The following GPR143 variants were observed in gnomAD, a reference collection of about 807,000 sequenced individuals.
The protein encoded by GPR143 is G protein-coupled receptor 143, also known as G-protein coupled receptor 143.
Under a neutral mutation model 27.6 loss-of-function variants are expected in GPR143, and 8 were observed. The ratio of observed to expected loss-of-function variants is 0.29; its 90% confidence interval spans 0.17 to 0.52. The LOEUF is 0.52. Among genes scored for constraint, GPR143 ranks in the 20% least tolerant of loss-of-function variants. The probability of loss-of-function intolerance (pLI) is 0.96; values close to 1 mark genes in which losing one functional copy is unlikely to be tolerated. For missense variants in GPR143, 303 were observed against 343.1 expected, an observed-to-expected ratio of 0.88 and a Z score of 0.92; for synonymous variants, 156 against 153.2, an observed-to-expected ratio of 1.02 and a Z score of -0.13.
intron 1 of GPR143, among the ~76,000 whole-genome samples, chrX:9,773,480 TACACACACACACAC>T (rs57491053): frequency 9.7e-6 from 1 of 102,707 alleles, no homozygotes; most frequent in Non-Finnish European, 2.0e-5. Flanking sequence ...GCTTTGAAAG[TACACACACACACAC>T]ACACACACAC....
At position 9,764,360 on chromosome X, in the gene GPR143, C is replaced by T. The variant is rs1037311796; in HGVS notation, c.250+1208G>A. On this transcript the variant is annotated intron_variant, in intron 1 of 8. Transcript: ENST00000467482. ...TTCTTAGCTCGTGGACCCTAGAAAA[C>T]GGGCAGGATTTGGTCTGAGGGCTGC... Among the ~76,000 whole-genome samples, 5 of 111,148 alleles carry T rather than the reference C, an allele frequency of 4.5e-5. No homozygotes were observed. The East Asian group carries it at 1.4e-3, about 31-fold the overall frequency.
At chrX:9,752,948 G>A (rs916581364) in intron 3 of GPR143, among the ~76,000 whole-genome samples, 3 of 111,359 alleles carry the variant, frequency 2.7e-5, no homozygotes, top group South Asian at 7.7e-4. Flanking sequence ...CAGAGGGAGC[G>A]CCGTGTGTTG....
rs761860018 is a variant in GPR143 at position 9,746,079 on chromosome X, G to A, written c.623C>T (p.Ala208Val). ...MYLPLLLVLV[A>V]NPILFQKTVT... ...TGTCTTTTGGAACAGGATGGGGTTCGCCACGAGAACCAGCAGCAGGGGCAG... is the reference window on the plus strand; with the variant it reads ...TGTCTTTTGGAACAGGATGGGGTTCACCACGAGAACCAGCAGCAGGGGCAG... The change falls in exon 5 of 9, where the codon GCG becomes GTG. Residue 208 changes from alanine (A) to valine (V), a missense_variant. Ala to Val is a moderately conservative substitution (Grantham distance 64, BLOSUM62 0). Coordinates refer to ENST00000467482, the MANE Select transcript of GPR143 (RefSeq NM_000273.3). 16 of 1,201,603 alleles carry A rather than the reference G, an allele frequency of 1.3e-5. No individual in the cohort carries two copies. The highest frequency in any genetic ancestry group is 5.9e-5 in the East Asian group (2 of 33,779).
intron 1 of GPR143, among the ~76,000 whole-genome samples, chrX:9,775,189 A>T (rs1415765058): frequency 8.9e-6 from 1 of 112,176 alleles, no homozygotes; most frequent in Non-Finnish European, 1.9e-5. Context: ...AGACAGCCTG[A>T]TCTGTGGTGG....
chrX:9,749,538 G>T (rs944446873), intron 3 of GPR143, among the ~76,000 whole-genome samples: 1 of 111,896 alleles, frequency 8.9e-6, no homozygotes, highest in Non-Finnish European at 1.9e-5. Context: ...TATATGCTAC[G>T]TGGCCTTCTG....
chrX:9,750,805 C>T (rs2083448187), intron 3 of GPR143, among the ~76,000 whole-genome samples: 1 of 112,492 alleles, frequency 8.9e-6, no homozygotes, highest in African/African-American at 3.2e-5. Context: ...TCAAGTCATC[C>T]ACCTGCCTTG....
At chrX:9,737,411 A>G (rs1670540703) in intron 8 of GPR143, among the ~76,000 whole-genome samples, 1 of 112,545 alleles carries the variant, frequency 8.9e-6, no homozygotes, top group Non-Finnish European at 1.9e-5. Context: ...GACACCTGCT[A>G]CAACATGGGC....
chrX:9,765,963 G>A, upstream of GPR143: 1 of 558,746 alleles, frequency 1.8e-6, no homozygotes, highest in Non-Finnish European at 2.5e-6. Context: ...GCCAGGCTCG[G>A]TGGGGGCCGA....
At chrX:9,731,280 A>T (rs936310404) in intron 8 of GPR143, among the ~76,000 whole-genome samples, 2 of 111,390 alleles carry the variant, frequency 1.8e-5, no homozygotes, top group Non-Finnish European at 3.8e-5. Context: ...GAGGCAGGAG[A>T]ATCGCTTGAG....
rs139243227 is a variant in GPR143 at position 9,747,403 on chromosome X, C to T, written c.548+1171G>A. ...CCTGTGCGCCCTGCAGCAATGGCAC[C>T]CTAAGGCTCAGATGCAACTTTGCCA... On this transcript the variant is annotated intron_variant, in intron 4 of 8. Coordinates refer to ENST00000467482, the MANE Select transcript of GPR143 (RefSeq NM_000273.3). Among the ~76,000 whole-genome samples the T allele has an allele frequency of 5.6e-4, 62 of 111,427 alleles. No homozygotes were observed. In the East Asian group the frequency reaches 0.011, roughly 19 times the overall value.
chrX:9,739,441 C>T (rs1478197933), intron 8 of GPR143, 44 bp downstream of exon 8: 5 of 963,677 alleles, frequency 5.2e-6, no homozygotes, highest in Non-Finnish European at 7.4e-6. Flanking sequence ...CAAGGGGAGC[C>T]CTGGGACCCC....
chrX:9,742,973 G>A (rs905158156), intron 6 of GPR143, among the ~76,000 whole-genome samples: 2 of 111,228 alleles, frequency 1.8e-5, no homozygotes, highest in African/African-American at 6.5e-5. Context: ...TGAGTGTGGT[G>A]GCACACACCT....
upstream of GPR143, among the ~76,000 whole-genome samples, chrX:9,769,622 T>C (rs1424361439): frequency 1.3e-4 from 14 of 111,877 alleles, no homozygotes; most frequent in South Asian, 3.8e-4. Flanking sequence ...CACTATATCA[T>C]CCAGGCTGGA....
rs761735722 is a variant in GPR143, at chrX:9,726,758, T to A, written c.1121-918A>T. The stretch of plus-strand genomic sequence containing the variant: ...CCAAAGCCAAACTACTAATCCATTT[T>A]AACTATGTGGGGCTAATTCTACCTG... On this transcript the variant is annotated intron_variant, in intron 8 of 8. Transcript: ENST00000467482. Among the ~76,000 whole-genome samples, 10 of 112,192 alleles carry A rather than the reference T, an allele frequency of 8.9e-5. No individual in the cohort carries two copies. In the Admixed American group the frequency reaches 9.4e-4, roughly 11 times the overall value.
chrX:9,725,830 G>A lies in GPR143; in HGVS notation c.1131C>T (p.Ala377=). ...ALSMLSEGSD[A]STIEIHTASE... ...TTGCAGTGTGAATTTCAATTGTGCT[G>A]GCATCAGAACCTGGAGAGGAAAAGA... is the stretch of plus-strand genomic sequence containing the variant. Residue 377 remains alanine (A), a synonymous_variant, in exon 9 of 9, where the codon GCC becomes GCT. Transcript: ENST00000467482. The A allele has an allele frequency of 8.3e-7, 1 of 1,209,352 alleles. No individual in the cohort carries two copies. Among genetic ancestry groups the A allele is most frequent in the African/African-American group, 1.7e-5 (1 of 57,473 alleles).
intron 8 of GPR143, among the ~76,000 whole-genome samples, chrX:9,733,266 A>G (rs1402189473): frequency 2.7e-5 from 3 of 111,907 alleles, no homozygotes; most frequent in Middle Eastern, 4.2e-3. Flanking sequence ...GAAAAAAGGA[A>G]TCATGGGAAA....
intron 1 of GPR143, among the ~76,000 whole-genome samples, chrX:9,771,727 TG>T (rs1234950516): frequency 2.9e-5 from 3 of 103,557 alleles, no homozygotes; most frequent in African/African-American, 1.1e-4. Context: ...TTTTTTTTTT[TG>T]GATGGAGTCT....
intron 3 of GPR143, among the ~76,000 whole-genome samples, chrX:9,755,024 C>T (rs1006040179): frequency 9.0e-6 from 1 of 111,637 alleles, no homozygotes; most frequent in Admixed American, 9.5e-5. Context: ...GCCATATTTC[C>T]TTTTTCCCTC....
chrX:9,759,301 A>G, intron 3 of GPR143, 31 bp downstream of exon 3: 1 of 919,937 alleles, frequency 1.1e-6, no homozygotes, highest in Admixed American at 2.4e-5. Flanking sequence ...AAATAGAACT[A>G]GGGCAGAAAT....
Sources: allele counts gnomAD v4.1 joint callset (sites outside exome capture counted in the v4.1 genomes callset), GRCh38; gene constraint gnomAD v4.1.1; transcripts MANE v1.5; gene names NCBI Gene and HGNC (gene_info 2026-07-23, HGNC 2026-07-21).